Variants in ADGRV1 observed in about 807,000 individuals in gnomAD.
ADGRV1 encodes the protein adhesion G protein-coupled receptor V1.
ADGRV1 carries 359 observed loss-of-function variants against 596.2 expected under a neutral mutation model. The ratio of observed to expected loss-of-function variants is 0.60; its 90% confidence interval spans 0.55 to 0.66. The LOEUF is 0.66. Ranked by LOEUF, ADGRV1 falls within the 30% of genes least tolerant of loss-of-function variation. The pLI, the probability that ADGRV1 is intolerant of heterozygous loss-of-function variation, is 0.00. For missense variants in ADGRV1, 7,274 were observed against 7,575.6 expected (o/e 0.96, Z 1.48); for synonymous variants, 2,681 against 2,679.2 (o/e 1.00, Z -0.02).
At chr5:90,806,119 G>T (rs1011529394) in intron 72 of ADGRV1, among the ~76,000 whole-genome samples, 1 of 152,088 alleles carries the variant, frequency 6.6e-6, no homozygotes, top group Non-Finnish European at 1.5e-5. Flanking sequence ...AGAAAGGAGG[G>T]AATGATTTTC....
intron 59 of ADGRV1, among the ~76,000 whole-genome samples, chr5:90,772,527 A>C (rs1757801477): frequency 6.6e-6 from 1 of 152,202 alleles, no homozygotes; most frequent in Non-Finnish European, 1.5e-5. Flanking sequence ...ATGTTAGATG[A>C]ACTTTATTCA....
intron 84 of ADGRV1, among the ~76,000 whole-genome samples, chr5:90,977,828 TTTAACACAGAATCAGTTTAAA>T (rs1457239584): frequency 3.3e-5 from 5 of 152,212 alleles, no homozygotes; most frequent in Non-Finnish European, 7.3e-5. Context: ...GTTGCTTGCA[TTTAACACAGAATCAGTTTAAA>T]TTCCAATAGC....
chr5:90,726,034 T>C (rs913717910), intron 48 of ADGRV1, among the ~76,000 whole-genome samples: 1 of 152,346 alleles, frequency 6.6e-6, no homozygotes, highest in South Asian at 2.1e-4. Flanking sequence ...GTAAACTAGA[T>C]CTTGTAATTC....
chr5:90,921,379 C>G (rs1160232839), intron 83 of ADGRV1, among the ~76,000 whole-genome samples: 2 of 152,056 alleles, frequency 1.3e-5, no homozygotes, highest in Non-Finnish European at 2.9e-5. Flanking sequence ...ACTGCCTTCT[C>G]TTCTAGCTGC....
intron 83 of ADGRV1, among the ~76,000 whole-genome samples, chr5:90,893,292 C>T (rs1770997720): frequency 6.6e-6 from 1 of 152,038 alleles, no homozygotes; most frequent in African/African-American, 2.4e-5. Context: ...ATCAGCTTCC[C>T]CCAAATTGAA....
At chr5:91,020,396 T>G (rs920972751) in intron 85 of ADGRV1, among the ~76,000 whole-genome samples, 1 of 152,044 alleles carries the variant, frequency 6.6e-6, no homozygotes, top group Admixed American at 6.6e-5. Context: ...TACATATGAC[T>G]TTTCATTTTA....
intron 83 of ADGRV1, among the ~76,000 whole-genome samples, chr5:90,945,026 C>T (rs1776453578): frequency 6.6e-6 from 1 of 151,962 alleles, no homozygotes; most frequent in African/African-American, 2.4e-5. Flanking sequence ...ATTTTTAGGC[C>T]ATGACTAAAC....
At position 90,647,615 on chromosome 5, in the gene ADGRV1, CAA is replaced by C. The variant is rs1450569413; in HGVS notation, c.3141_3142del (p.Asp1051PhefsTer5). On this transcript the variant is annotated frameshift_variant, in exon 17 of 90. Coordinates refer to ENST00000405460, the MANE Select transcript of ADGRV1 (RefSeq NM_032119.4). LOFTEE classifies it high-confidence loss of function. ...GCTACCAAGGATGGGAAGGCTACTGCAAGAGAGAGAGATTTCATTCCTGTTGA... is the reference window on the plus strand; with the variant it reads ...GCTACCAAGGATGGGAAGGCTACTGCGAGAGAGAGATTTCATTCCTGTTGA... 6.2e-6 allele frequency: 10 copies of C among 1,612,968 alleles called. No homozygotes were observed. Among genetic ancestry groups the C allele is most frequent in the Non-Finnish European group, 8.5e-6 (10 of 1,179,128 alleles).
At chr5:90,804,127 G>A (rs1310470887) in intron 71 of ADGRV1, among the ~76,000 whole-genome samples, 1 of 152,114 alleles carries the variant, frequency 6.6e-6, no homozygotes, top group East Asian at 1.9e-4. Flanking sequence ...ACTGGGCTGG[G>A]CATGGTGGCT....
chr5:90,779,002 G>A lies in ADGRV1; in HGVS notation c.12987G>A (p.Met4329Ile). Reference protein sequence around the residue: ...AGELLFEAGEMRKSLHVEILD... With the variant: ...AGELLFEAGEIRKSLHVEILD... Reference sequence around the variant, plus strand: ...AGCTCCTCTTTGAAGCAGGGGAGATGAGGAAAAGTCTGCATGTTGAAATCC... The same window carrying A: ...AGCTCCTCTTTGAAGCAGGGGAGATAAGGAAAAGTCTGCATGTTGAAATCC... The change falls in exon 64 of 90, where the codon ATG (methionine) becomes ATA (isoleucine). Residue 4329 changes from methionine to isoleucine, a missense_variant. Physicochemically the swap from Met to Ile is conservative, Grantham distance 10 (BLOSUM62 1). Around this residue, in one of 5 missense-constraint regions of ADGRV1, gnomAD observed 3,643 missense variants for 3,809.2 expected, o/e 0.96. Coordinates refer to ENST00000405460, the MANE Select transcript of ADGRV1 (RefSeq NM_032119.4). 2 of 1,613,420 alleles carry A rather than the reference G, an allele frequency of 1.2e-6. No individual in the cohort carries two copies. Among genetic ancestry groups the A allele is most frequent in the South Asian group, 2.2e-5 (2 of 91,062 alleles).
chr5:90,690,190 T>G (rs985459849), intron 30 of ADGRV1, 114 bp downstream of exon 30: 2 of 646,692 alleles, frequency 3.1e-6, no homozygotes, highest in Non-Finnish European at 5.4e-6. Flanking sequence ...TTTCTTAACC[T>G]GCTGTTACTG....
intron 59 of ADGRV1, among the ~76,000 whole-genome samples, chr5:90,766,005 G>T (rs1019271039): frequency 2.6e-5 from 4 of 152,046 alleles, no homozygotes; most frequent in African/African-American, 7.2e-5. Flanking sequence ...CACCTCCCGG[G>T]TTTACGCCAT....
intron 34 of ADGRV1, among the ~76,000 whole-genome samples, chr5:90,701,154 A>C (rs968575959): frequency 1.9e-4 from 29 of 152,040 alleles, no homozygotes; most frequent in Non-Finnish European, 1.0e-4. Context: ...TTTGTTATGT[A>C]AGGGTTGTTC....
At chr5:90,700,780 T>A (rs141748757) in intron 34 of ADGRV1, among the ~76,000 whole-genome samples, 1 of 152,324 alleles carries the variant, frequency 6.6e-6, no homozygotes, top group African/African-American at 2.4e-5. Context: ...CTGCTTCACA[T>A]TATTCATATT....
intron 89 of ADGRV1, among the ~76,000 whole-genome samples, 153 bp from the exon 90 acceptor site, chr5:91,163,629 T>C (rs1373661478): frequency 6.6e-6 from 1 of 152,234 alleles, no homozygotes; most frequent in Non-Finnish European, 1.5e-5. Context: ...AGTTTCATAA[T>C]TGTTAGGTAT....
intron 85 of ADGRV1, among the ~76,000 whole-genome samples, chr5:90,999,599 A>G (rs1203541789): frequency 6.6e-6 from 1 of 152,088 alleles, no homozygotes; most frequent in Non-Finnish European, 1.5e-5. Context: ...TCATGAGATC[A>G]CATTTCATCT....
intron 50 of ADGRV1, among the ~76,000 whole-genome samples, chr5:90,739,299 A>G (rs921726172): frequency 2.6e-5 from 4 of 151,884 alleles, no homozygotes; most frequent in East Asian, 1.9e-4. Context: ...ATAGATCTCC[A>G]TTTCTTCAAG....
chr5:91,082,269 C>T (rs1789453767), intron 86 of ADGRV1, among the ~76,000 whole-genome samples: 1 of 152,170 alleles, frequency 6.6e-6, no homozygotes. Context: ...AAGTAAGTTT[C>T]CTATCTATTT....
At chr5:90,942,595 A>G (rs979935709) in intron 83 of ADGRV1, among the ~76,000 whole-genome samples, 2 of 152,156 alleles carry the variant, frequency 1.3e-5, no homozygotes, top group Admixed American at 1.3e-4. Flanking sequence ...CTGGGGCCAG[A>G]GAAGCTACTT....
Sources: gnomAD v4.1 joint callset for allele counts (sites outside exome capture counted in the v4.1 genomes callset) on GRCh38, gnomAD v4.1.1 for gene constraint, gnomAD v4.1.1 regional missense constraint, MANE v1.5 for transcripts, NCBI Gene and HGNC (gene_info 2026-07-23, HGNC 2026-07-21) for gene names.